The following NUDCD3 variants were observed in gnomAD, a reference collection of about 807,000 sequenced individuals.
The protein encoded by NUDCD3 is nudC domain-containing protein 3.
In NUDCD3, 13 loss-of-function variants were observed where a neutral mutation model predicts 39.7. The ratio of observed to expected loss-of-function variants is 0.33; its 90% CI spans 0.21 to 0.52. The LOEUF is 0.52. Ranked by LOEUF, NUDCD3 falls within the 20% of genes least tolerant of loss-of-function variation. The pLI, the probability that NUDCD3 is intolerant of heterozygous loss-of-function variation, is 0.96. For synonymous variants in NUDCD3, 175 were observed against 172.4 expected (o/e 1.02, Z -0.12); for missense variants, 453 against 458.1 (o/e 0.99, Z 0.10).
In NUDCD3 at chr7:44,465,817, T is replaced by C. The variant is rs528648320; in HGVS notation, c.509+19151A>G. Among the ~76,000 whole-genome samples, 12 of 152,252 alleles carry C rather than the reference T, an allele frequency of 7.9e-5. No homozygotes were observed. The East Asian group carries it at 1.7e-3, about 22-fold the overall frequency. On this transcript the variant is annotated intron_variant, in intron 2 of 5. Transcript: ENST00000355451. ...CGTACTTCTCAAATTGTTTTTGATA[T>C]ATGCATACAGCATTTTTCAAAACAC...
At chr7:44,478,311 G>A (rs1800420837) in intron 2 of NUDCD3, among the ~76,000 whole-genome samples, 1 of 152,170 alleles carries the variant, frequency 6.6e-6, no homozygotes, top group African/African-American at 2.4e-5. Flanking sequence ...AGCACTTTGG[G>A]AGACCGAGAT....
At chr7:44,406,585 C>CA (rs1335201271) in intron 3 of NUDCD3, among the ~76,000 whole-genome samples, 3 of 152,278 alleles carry the variant, frequency 2.0e-5, no homozygotes, top group Admixed American at 2.0e-4. Flanking sequence ...TAATAATTTC[C>CA]AAATTTGGGG....
intron 2 of NUDCD3, among the ~76,000 whole-genome samples, chr7:44,436,801 A>T (rs1332081556): frequency 1.3e-5 from 2 of 152,182 alleles, no homozygotes; most frequent in Non-Finnish European, 2.9e-5. Context: ...ATATATGTGG[A>T]TAAGAATTAT....
intron 2 of NUDCD3, among the ~76,000 whole-genome samples, chr7:44,451,585 C>T (rs1021215424): frequency 6.6e-6 from 1 of 151,926 alleles, no homozygotes; most frequent in Non-Finnish European, 1.5e-5. Flanking sequence ...TATAATCTAT[C>T]GTGACAGAAA....
At chr7:44,387,614 C>A (rs1264173675) in intron 5 of NUDCD3, among the ~76,000 whole-genome samples, 1 of 152,190 alleles carries the variant, frequency 6.6e-6, no homozygotes, top group Non-Finnish European at 1.5e-5. Flanking sequence ...CCCCAGCCAG[C>A]TGTAGGGCAA....
Position 44,429,426 on chromosome 7 carries a change from G to A in NUDCD3, c.510-1723C>T, listed in dbSNP as rs118053347. ...GTGATGTGCCTATAGGCCAAAAAAC[G>A]TCAAGGACCGCAGGCCACCACCTAA... On this transcript the variant is annotated intron_variant, in intron 2 of 5. Coordinates refer to ENST00000355451, the MANE Select transcript of NUDCD3 (RefSeq NM_015332.4). Among the ~76,000 whole-genome samples the A allele has an allele frequency of 1.2e-3, 178 of 152,248 alleles. 5 individuals are homozygous for A. The East Asian group carries it at 0.03, about 26-fold the overall frequency.
intron 5 of NUDCD3, among the ~76,000 whole-genome samples, chr7:44,387,424 C>G (rs1381813577): frequency 6.6e-6 from 1 of 152,218 alleles, no homozygotes; most frequent in East Asian, 1.9e-4. Context: ...CAATTTCTTA[C>G]AGGCAACTCA....
intron 2 of NUDCD3, chr7:44,467,994 G>T: frequency 6.2e-7 from 1 of 1,612,526 alleles, no homozygotes; most frequent in Non-Finnish European, 8.5e-7. Flanking sequence ...AAAATTAAGC[G>T]TAACTGGCGG....
intron 2 of NUDCD3, among the ~76,000 whole-genome samples, chr7:44,451,871 C>CA (rs1351078459): frequency 2.6e-5 from 4 of 152,100 alleles, no homozygotes; most frequent in African/African-American, 7.2e-5. Context: ...TGGTGGTTGA[C>CA]AGAGTCACCT....
intron 3 of NUDCD3, among the ~76,000 whole-genome samples, chr7:44,418,059 G>A (rs1221426791): frequency 1.3e-5 from 2 of 152,142 alleles, no homozygotes; most frequent in African/African-American, 4.8e-5. Flanking sequence ...CTACACACAG[G>A]GCAGGTTTAG....
intron 2 of NUDCD3, among the ~76,000 whole-genome samples, chr7:44,467,664 A>C (rs1284610398): frequency 2.0e-5 from 3 of 152,172 alleles, no homozygotes; most frequent in African/African-American, 7.2e-5. Flanking sequence ...CCTAAAAAAA[A>C]AAAGTATTCC....
intron 4 of NUDCD3, among the ~76,000 whole-genome samples, 175 bp downstream of exon 4, chr7:44,404,265 G>A (rs1798775688): frequency 6.6e-6 from 1 of 152,150 alleles, no homozygotes; most frequent in Non-Finnish European, 1.5e-5. Flanking sequence ...AAGCTCAAGT[G>A]CCCACAGAGA....
At chr7:44,443,559 C>T (rs1799632279) in intron 2 of NUDCD3, among the ~76,000 whole-genome samples, 2 of 152,132 alleles carry the variant, frequency 1.3e-5, no homozygotes, top group East Asian at 1.9e-4. Flanking sequence ...TACGGGCATG[C>T]ACCATCACAC....
intron 3 of NUDCD3, among the ~76,000 whole-genome samples, chr7:44,413,791 G>A (rs957006921): frequency 3.3e-5 from 5 of 152,068 alleles, no homozygotes; most frequent in Non-Finnish European, 4.4e-5. Context: ...GGTGGCTCAC[G>A]CCTGTAATCC....
At chr7:44,417,959 C>G (rs1402432398) in intron 3 of NUDCD3, among the ~76,000 whole-genome samples, 1 of 152,182 alleles carries the variant, frequency 6.6e-6, no homozygotes, top group Non-Finnish European at 1.5e-5. Flanking sequence ...ACCAGCAACT[C>G]ACTGATCTGT....
chr7:44,426,042 A>G, intron 3 of NUDCD3: 1 of 775,896 alleles, frequency 1.3e-6, no homozygotes, highest in South Asian at 5.8e-5. Flanking sequence ...TCCCTGCTCC[A>G]TGGAAGAGCC....
At chr7:44,400,636 G>A (rs2116870196) in intron 4 of NUDCD3, among the ~76,000 whole-genome samples, 1 of 152,330 alleles carries the variant, frequency 6.6e-6, no homozygotes, top group African/African-American at 2.4e-5. Context: ...CCATGGGCCA[G>A]AACTCTGAAA....
chr7:44,395,323 G>A lies in NUDCD3; in HGVS notation c.787-2838C>T, dbSNP rs936565425. 4.6e-5 allele frequency among the ~76,000 whole-genome samples: 7 copies of A among 152,338 alleles called. No individual in the cohort carries two copies. The East Asian group carries it at 5.8e-4, about 13-fold the overall frequency. On this transcript the variant is annotated intron_variant, in intron 4 of 5. Transcript: ENST00000355451. ...AAGGGGGCCATCCTCACTCACAGAC[G>A]TCACGCATGTGCATCAGTGTGGTAT...
chr7:44,399,196 G>A (rs1428191163), intron 4 of NUDCD3, among the ~76,000 whole-genome samples: 1 of 152,190 alleles, frequency 6.6e-6, no homozygotes, highest in Non-Finnish European at 1.5e-5. Flanking sequence ...GCTCTGCTCA[G>A]CACATTCCTT....
Sources: allele counts gnomAD v4.1 joint callset (sites outside exome capture counted in the v4.1 genomes callset), GRCh38; gene constraint gnomAD v4.1.1; transcripts MANE v1.5; gene names NCBI Gene and HGNC (gene_info 2026-07-23, HGNC 2026-07-21).